The following DGKH variants were observed in gnomAD, a reference collection of about 807,000 sequenced individuals.
DGKH encodes diacylglycerol kinase eta.
A neutral mutation model predicts 159.3 loss-of-function variants in DGKH; 90 were observed. That is an observed-to-expected ratio of 0.57 (90% CI 0.48 to 0.67). DGKH has a LOEUF of 0.67. DGKH is among the 30% of genes least tolerant of loss of function. The pLI, the probability that DGKH is intolerant of heterozygous loss-of-function variation, is 0.00. For missense variants in DGKH, 1,181 were observed against 1,506.1 expected (o/e 0.78, Z 3.57); for synonymous variants, 536 against 553.8 (o/e 0.97, Z 0.45).
exon 31 of DGKH, chr13:42,256,411 G>A (rs1212061283): frequency 6.3e-7 from 1 of 1,579,874 alleles, no homozygotes; most frequent in Non-Finnish European, 8.7e-7. Context: ...AGGCAGCAAA[G>A]ATTGCTAAGA....
intron 30 of DGKH, among the ~76,000 whole-genome samples, chr13:42,253,421 A>G (rs1052846112): frequency 1.3e-5 from 2 of 152,258 alleles, no homozygotes; most frequent in African/African-American, 4.8e-5. Context: ...CTCAGCTTCC[A>G]GAGCTGAAAG....
At chr13:42,073,166 T>G (rs1450707563) in intron 1 of DGKH, among the ~76,000 whole-genome samples, 1 of 152,240 alleles carries the variant, frequency 6.6e-6, no homozygotes, top group Non-Finnish European at 1.5e-5. Flanking sequence ...CTTTGCTATC[T>G]ATTTGGTAAG....
In DGKH at chr13:42,189,101, G is replaced by A. The variant is rs1376456047; in HGVS notation, c.1704G>A (p.Ala568=). 3 of 1,614,216 alleles carry A rather than the reference G, an allele frequency of 1.9e-6. No individual in the cohort carries two copies. Among genetic ancestry groups the A allele is most frequent in the Non-Finnish European group, 2.5e-6 (3 of 1,180,026 alleles). Residue 568 remains alanine, a synonymous_variant, in exon 15 of 30, where the codon GCG becomes GCA. Transcript: ENST00000337343. The stretch of plus-strand genomic sequence containing the variant: ...CTTTGCACACAGATTCCCAGGCTGC[G>A]CCTGTTCTCCCTGGCCTCAGCCCTC... ...LQALHTDSQA[A]PVLPGLSPLI...
chr13:42,119,819 T>G (rs1019241952), intron 1 of DGKH, among the ~76,000 whole-genome samples: 7 of 152,208 alleles, frequency 4.6e-5, no homozygotes, highest in Non-Finnish European at 5.9e-5. Flanking sequence ...TCCTTTCTCA[T>G]CAAGTTAATG....
At chr13:42,120,711 C>A (rs1162350405) in intron 1 of DGKH, among the ~76,000 whole-genome samples, 3 of 152,120 alleles carry the variant, frequency 2.0e-5, no homozygotes, top group Non-Finnish European at 2.9e-5. Context: ...ACCACCAAAA[C>A]ACTAATCCAA....
chr13:42,051,198 T>C (rs1881271208), intron 1 of DGKH, among the ~76,000 whole-genome samples: 1 of 152,258 alleles, frequency 6.6e-6, no homozygotes, highest in African/African-American at 2.4e-5. Context: ...TTTTTGACTA[T>C]GAAATCAAAT....
At chr13:42,123,740 C>G (rs1170449394) in intron 1 of DGKH, among the ~76,000 whole-genome samples, 3 of 152,162 alleles carry the variant, frequency 2.0e-5, no homozygotes, top group Non-Finnish European at 4.4e-5. Flanking sequence ...GGAAAATGCT[C>G]AAAGTCAGTA....
rs189642271 is a variant in DGKH at position 42,143,621 on chromosome 13, G to A, written c.385-11670G>A. On this transcript the variant is annotated intron_variant, in intron 3 of 29. Transcript: ENST00000337343. The stretch of plus-strand genomic sequence containing the variant: ...AGAGATTCAACTTCTTCCTGGTTTC[G>A]TCTTGGGAGGGTGTATGTGTCGAGG... Among the ~76,000 whole-genome samples the A allele has an allele frequency of 6.4e-4, 98 of 152,220 alleles. 2 individuals carry two copies. The East Asian group carries it at 0.018, about 27-fold the overall frequency.
rs1434070306 is a variant in DGKH, at chr13:42,229,498, G to T, written c.*310G>T. Reference sequence around the variant, plus strand: ...TGTCTAAACAGTGGAATTGCAAAATGTTTACTTTCCATAGATCTGGTCTGA... The same window carrying T: ...TGTCTAAACAGTGGAATTGCAAAATTTTTACTTTCCATAGATCTGGTCTGA... On this transcript the variant is annotated 3_prime_UTR_variant, in exon 30 of 30. Coordinates refer to ENST00000337343, the MANE Select transcript of DGKH (RefSeq NM_178009.5). The T allele has an allele frequency of 8.3e-6, 2 of 240,446 alleles. No individual in the cohort carries two copies. The highest frequency in any genetic ancestry group is 4.7e-5 in the African/African-American group (2 of 42,914). 14.9% of individuals were successfully genotyped at this position (240,446 alleles called of 1,614,324 possible).
At chr13:42,059,322 T>C (rs1466483665) in intron 1 of DGKH, among the ~76,000 whole-genome samples, 1 of 151,930 alleles carries the variant, frequency 6.6e-6, no homozygotes, top group African/African-American at 2.4e-5. Flanking sequence ...TGATCTCAGC[T>C]CACTGCAGCC....
chr13:42,054,064 T>C (rs1251866870), intron 1 of DGKH, among the ~76,000 whole-genome samples: 1 of 152,270 alleles, frequency 6.6e-6, no homozygotes, highest in African/African-American at 2.4e-5. Flanking sequence ...TTTGCATTTT[T>C]CACTGCCTTA....
In DGKH at chr13:42,189,018, G is replaced by A. The variant is rs9525594; in HGVS notation, c.1639-18G>A. The A allele has an allele frequency of 0.24, 386,681 of 1,597,984 alleles. 48,357 individuals are homozygous for A. The highest frequency in any genetic ancestry group is 0.28 in the African/African-American group (21,045 of 74,362). ...ATTCTTTTTGAGTATTTTTCTCATT[G>A]CCATATTTTCCTCTCAGTGTTCAGT... On this transcript the variant is annotated intron_variant, in intron 14 of 29. Transcript: ENST00000337343.
intron 29 of DGKH, among the ~76,000 whole-genome samples, chr13:42,226,421 T>C (rs142418454): frequency 6.6e-6 from 1 of 152,284 alleles, no homozygotes; most frequent in Non-Finnish European, 1.5e-5. Context: ...CGAAATACCA[T>C]TTGACCCAGT....
Position 42,209,061 on chromosome 13 carries a change from C to T in DGKH, c.2704C>T (p.Arg902Ter). ...AAGGGTCATTAAACTGCAGCATCAT[C>T]GAATAGCCCAGGTTGGTTTCTCTCG... ...VSRVIKLQHH[R>*]IAQCRTVKIT... Residue 902 changes from arginine to a stop codon, truncating the protein, a stop_gained, in exon 22 of 30, where the codon CGA becomes TGA. Transcript: ENST00000337343. LOFTEE classifies it high-confidence loss of function. 3 of 1,609,504 alleles carry T rather than the reference C, an allele frequency of 1.9e-6. No homozygotes were observed. The highest frequency in any genetic ancestry group is 1.7e-6 in the Non-Finnish European group (2 of 1,177,864).
At chr13:42,073,352 T>C (rs1293460631) in intron 1 of DGKH, among the ~76,000 whole-genome samples, 2 of 152,222 alleles carry the variant, frequency 1.3e-5, no homozygotes, top group African/African-American at 4.8e-5. Flanking sequence ...GAGACAGCTA[T>C]ATGTACAGAT....
intron 1 of DGKH, among the ~76,000 whole-genome samples, chr13:42,117,956 A>G (rs1251161288): frequency 6.6e-6 from 1 of 152,042 alleles, no homozygotes; most frequent in Non-Finnish European, 1.5e-5. Flanking sequence ...GGTGGCTCAC[A>G]CCTGTAATCC....
intron 3 of DGKH, among the ~76,000 whole-genome samples, chr13:42,137,433 T>C (rs1955423484): frequency 6.6e-6 from 1 of 152,212 alleles, no homozygotes; most frequent in Non-Finnish European, 1.5e-5. Context: ...TCCCATTTGA[T>C]AGATGAAGAA....
Position 42,078,909 on chromosome 13 carries a change from C to CTTTT in DGKH, c.192+29965_192+29968dup, listed in dbSNP as rs55801562. 1.9e-3 allele frequency among the ~76,000 whole-genome samples: 181 copies of CTTTT among 93,576 alleles called. 2 individuals carry two copies. Among genetic ancestry groups the CTTTT allele is most frequent in the African/African-American group, 3.4e-3 (70 of 20,588 alleles). The allele number at this position is 93,576 out of a possible 152,430, so 61.4% of individuals were successfully genotyped here. ...TCCTCTCTTAAAGAGGTATATTCTC[C>CTTTT]TTTTTTTTTTTTTTTTTTTTTTTTG... On this transcript the variant is annotated intron_variant, in intron 1 of 29. Transcript: ENST00000337343.
At chr13:42,083,922 A>T (rs866491203) in intron 1 of DGKH, among the ~76,000 whole-genome samples, 3 of 152,318 alleles carry the variant, frequency 2.0e-5, no homozygotes, top group Middle Eastern at 3.4e-3. Context: ...AGAAGCATGA[A>T]CGACACGGGG....
Sources: gnomAD v4.1 joint callset for allele counts (sites outside exome capture counted in the v4.1 genomes callset) on GRCh38, gnomAD v4.1.1 for gene constraint, MANE v1.5 for transcripts, NCBI Gene and HGNC (gene_info 2026-07-23, HGNC 2026-07-21) for gene names.